NEGR1: variants seen among roughly 807,000 people sequenced by gnomAD.
NEGR1 encodes the protein neuronal growth regulator 1, also known as IgLON family member 4.
In NEGR1, 10 loss-of-function variants were observed where a neutral mutation model predicts 40.9. The ratio of observed to expected loss-of-function variants is 0.24; its 90% CI spans 0.15 to 0.42. The LOEUF is 0.42. Ranked by LOEUF, NEGR1 falls within the 10% of genes least tolerant of loss-of-function variation. The pLI is 1.00. For missense variants in NEGR1, 352 were observed against 438.9 expected, an observed-to-expected ratio of 0.80 and a Z score of 1.77; for synonymous variants, 185 against 166.8, an observed-to-expected ratio of 1.11 and a Z score of -0.84.
chr1:71,983,153 G>T (rs1334113521), intron 1 of NEGR1, among the ~76,000 whole-genome samples: 1 of 152,150 alleles, frequency 6.6e-6, no homozygotes, highest in Admixed American at 6.5e-5. Context: ...GCACTTTGCA[G>T]TTGAAATTAT....
intron 1 of NEGR1, among the ~76,000 whole-genome samples, chr1:72,172,448 A>T (rs72682730): frequency 0.013 from 2,043 of 152,276 alleles, 27 homozygotes; most frequent in Non-Finnish European, 0.021. Context: ...AATAATGAGG[A>T]CATGATTGTC....
chr1:71,619,950 A>G (rs1460239563), intron 4 of NEGR1, among the ~76,000 whole-genome samples: 1 of 152,096 alleles, frequency 6.6e-6, no homozygotes, highest in Non-Finnish European at 1.5e-5. Flanking sequence ...GCCATCCTCA[A>G]TGGGAGCTTT....
intron 2 of NEGR1, among the ~76,000 whole-genome samples, chr1:71,929,124 G>A (rs1645830320): frequency 6.6e-6 from 1 of 152,010 alleles, no homozygotes; most frequent in South Asian, 2.1e-4. Flanking sequence ...TCTTAGAAAT[G>A]TAGCTTTGTT....
rs566801150 is a variant in NEGR1 at position 71,875,080 on chromosome 1, C to T, written c.409+59999G>A. ...CAGGCTGGTCTCAAAATCCTAGGCT[C>T]AAGCAATCAGCCCATCTCAGCCTTT... On this transcript the variant is annotated intron_variant, in intron 2 of 6. Coordinates refer to ENST00000357731, the MANE Select transcript of NEGR1 (RefSeq NM_173808.3). Among the ~76,000 whole-genome samples the T allele has an allele frequency of 6.6e-5, 10 of 152,210 alleles. No individual in the cohort carries two copies. The East Asian group carries it at 1.9e-3, about 29-fold the overall frequency.
chr1:71,416,081 C>A (rs1184058112), intron 6 of NEGR1, among the ~76,000 whole-genome samples: 1 of 152,120 alleles, frequency 6.6e-6, no homozygotes, highest in Non-Finnish European at 1.5e-5. Flanking sequence ...AAATAGAAAT[C>A]CAGCTGTGTT....
At chr1:71,943,666 TGTA>T (rs1645992502) in intron 1 of NEGR1, among the ~76,000 whole-genome samples, 2 of 152,272 alleles carry the variant, frequency 1.3e-5, no homozygotes, top group South Asian at 4.1e-4. Flanking sequence ...AGAGAGATCT[TGTA>T]CATTATGATT....
intron 6 of NEGR1, among the ~76,000 whole-genome samples, chr1:71,429,831 T>C (rs1269248022): frequency 6.6e-6 from 1 of 152,238 alleles, no homozygotes; most frequent in Non-Finnish European, 1.5e-5. Context: ...TTAAGAGATG[T>C]ATTTTGTTTT....
chr1:71,491,926 A>G (rs960868736), intron 6 of NEGR1, among the ~76,000 whole-genome samples: 87 of 152,252 alleles, frequency 5.7e-4, no homozygotes, highest in African/African-American at 2.0e-3. Context: ...TAGAAGGTAG[A>G]ACCTTTAGGA....
At chr1:71,541,101 T>C (rs1647690587) in intron 6 of NEGR1, among the ~76,000 whole-genome samples, 1 of 151,648 alleles carries the variant, frequency 6.6e-6, no homozygotes, top group Non-Finnish European at 1.5e-5. Context: ...CAACATGAGA[T>C]TTAAGCGGGG....
At chr1:71,711,967 T>C (rs948419937) in intron 3 of NEGR1, among the ~76,000 whole-genome samples, 1 of 152,186 alleles carries the variant, frequency 6.6e-6, no homozygotes, top group African/African-American at 2.4e-5. Flanking sequence ...ATTATAGAAA[T>C]GGCAAAACTA....
chr1:71,729,911 G>T (rs1654801414), intron 3 of NEGR1, among the ~76,000 whole-genome samples: 1 of 149,446 alleles, frequency 6.7e-6, no homozygotes, highest in Non-Finnish European at 1.5e-5. Context: ...TAGTTTTAAT[G>T]AGAAAAGAAT....
intron 2 of NEGR1, among the ~76,000 whole-genome samples, chr1:71,884,579 G>T (rs983624329): frequency 1.3e-5 from 2 of 152,158 alleles, no homozygotes; most frequent in Admixed American, 6.5e-5. Context: ...AATATCATAT[G>T]CACCTTTATT....
At chr1:72,127,662 C>T (rs961730751) in intron 1 of NEGR1, among the ~76,000 whole-genome samples, 3 of 151,742 alleles carry the variant, frequency 2.0e-5, no homozygotes, top group Non-Finnish European at 2.9e-5. Flanking sequence ...GTTTTATTTA[C>T]AAAATAAATA....
At chr1:71,594,809 T>C (rs564975484) in intron 5 of NEGR1, among the ~76,000 whole-genome samples, 10 of 152,326 alleles carry the variant, frequency 6.6e-5, no homozygotes, top group South Asian at 6.2e-4. Flanking sequence ...GCCTTGCAAG[T>C]TTCAGCACTA....
At chr1:72,099,587 C>T (rs13374986) in intron 1 of NEGR1, among the ~76,000 whole-genome samples, 2,408 of 151,980 alleles carry the variant, frequency 0.016, 65 homozygotes, top group African/African-American at 0.056. Flanking sequence ...TTATCACTCG[C>T]TCTGGTCCTG....
chr1:71,673,797 G>T (rs1298356420), intron 4 of NEGR1, among the ~76,000 whole-genome samples: 1 of 15,976 alleles, frequency 6.3e-5, no homozygotes, highest in African/African-American at 8.1e-5. Flanking sequence ...TTCCATTAAT[G>T]ATATTTTTTT....
chr1:72,213,389 A>G (rs1443111706), intron 1 of NEGR1, among the ~76,000 whole-genome samples: 1 of 151,900 alleles, frequency 6.6e-6, no homozygotes, highest in Non-Finnish European at 1.5e-5. Flanking sequence ...CAAATTCCAC[A>G]TGGATTTGAC....
intron 4 of NEGR1, among the ~76,000 whole-genome samples, chr1:71,687,855 C>T (rs1364105394): frequency 6.6e-6 from 1 of 152,132 alleles, no homozygotes; most frequent in Non-Finnish European, 1.5e-5. Context: ...CAGCCTCAGA[C>T]CTAGAATTAG....
At chr1:72,125,482 A>C (rs1649976338) in intron 1 of NEGR1, among the ~76,000 whole-genome samples, 3 of 152,190 alleles carry the variant, frequency 2.0e-5, no homozygotes, top group Admixed American at 6.5e-5. Flanking sequence ...TTAGTCCATA[A>C]GCTATATACT....
Sources: gnomAD v4.1 joint callset for allele counts (sites outside exome capture counted in the v4.1 genomes callset) on GRCh38, gnomAD v4.1.1 for gene constraint, MANE v1.5 for transcripts, NCBI Gene and HGNC (gene_info 2026-07-23, HGNC 2026-07-21) for gene names.